Variants in DDX60L observed in about 807,000 individuals in gnomAD.
DDX60L encodes probable ATP-dependent RNA helicase DDX60-like.
In DDX60L, 191 loss-of-function variants were observed where a neutral mutation model predicts 211.6. That is an observed-to-expected ratio of 0.90 (90% CI 0.80 to 1.02). The LOEUF (loss-of-function observed/expected upper bound fraction) is 1.02. Ranked by LOEUF, DDX60L falls within the 50% of genes least tolerant of loss-of-function variation. The pLI, the probability that DDX60L is intolerant of heterozygous loss-of-function variation, is 0.00. For missense variants in DDX60L, 2,007 were observed against 1,984.1 expected (o/e 1.01, Z -0.22); for synonymous variants, 706 against 694.1 (o/e 1.02, Z -0.27).
chr4:168,454,158 T>C (rs1756199156), intron 7 of DDX60L, among the ~76,000 whole-genome samples: 2 of 152,228 alleles, frequency 1.3e-5, no homozygotes, highest in Non-Finnish European at 1.5e-5. Context: ...TTTTTAAGCA[T>C]GCTCTTAAAA....
intron 29 of DDX60L, chr4:168,390,158 G>C: frequency 1.0e-6 from 1 of 992,244 alleles, no homozygotes; most frequent in Non-Finnish European, 1.2e-6. Flanking sequence ...ATCAGGGCAG[G>C]ATAACAAAGT....
chr4:168,442,960 A>C (rs1469855524), intron 9 of DDX60L, among the ~76,000 whole-genome samples: 3 of 152,176 alleles, frequency 2.0e-5, no homozygotes, highest in African/African-American at 4.8e-5. Flanking sequence ...AACTATAAAA[A>C]GCAGAGCGCC....
At chr4:168,409,178 AG>A (rs897091762) in intron 22 of DDX60L, among the ~76,000 whole-genome samples, 13 of 152,236 alleles carry the variant, frequency 8.5e-5, no homozygotes, top group African/African-American at 3.1e-4. Flanking sequence ...ACTTTACAAA[AG>A]TAAAGTATCA....
rs1738476765 is a variant in DDX60L, at chr4:168,358,310, GA to G, written c.4992-35del. 5.7e-6 allele frequency: 8 copies of G among 1,397,752 alleles called. No homozygotes were observed. The East Asian group carries it at 2.2e-4, about 39-fold the overall frequency. The allele number at this position is 1,397,752 out of a possible 1,614,324, so 86.6% of individuals were successfully genotyped here. A position where few individuals can be genotyped will look rare whatever the true frequency, so the allele number is the denominator to read the frequency against. On this transcript the variant is annotated intron_variant, in intron 37 of 37. Coordinates refer to ENST00000682922, the MANE Select transcript of DDX60L (RefSeq NM_001012967.3). ...ATGATAATAATAATAAAAAAATAAT[GA>G]GCCCACATTTTTATAACAATCAATA...
Position 168,400,818 on chromosome 4 carries a change from ATACT to A in DDX60L, c.3491+4_3491+7del, listed in dbSNP as rs1280759179. 2 of 1,603,476 alleles carry A rather than the reference ATACT, an allele frequency of 1.2e-6. No homozygotes were observed. On this transcript the variant is annotated splice_donor_5th_base_variant and intron_variant, in intron 26 of 37. Transcript: ENST00000682922. The stretch of plus-strand genomic sequence containing the variant: ...GGCCAATTTGTTTAAGTAAACATTA[ATACT>A]TACATCCTTTTCTGTGTCTTCCTCA...
At chr4:168,406,127 G>C in intron 23 of DDX60L, 49 bp from the exon 24 acceptor site, 1 of 1,545,532 alleles carries the variant, frequency 6.5e-7, no homozygotes, top group South Asian at 1.2e-5. Flanking sequence ...GCAATCTATA[G>C]TAAGAAAAAT....
At chr4:168,371,858 G>T in intron 35 of DDX60L, 95 bp from the exon 36 acceptor site, 2 of 1,236,632 alleles carry the variant, frequency 1.6e-6, no homozygotes, top group Non-Finnish European at 2.2e-6. Flanking sequence ...GTTTCTTAAA[G>T]TACGTTCTGA....
chr4:168,467,501 C>T (rs1412648098), intron 4 of DDX60L, among the ~76,000 whole-genome samples: 1 of 144,190 alleles, frequency 6.9e-6, no homozygotes, highest in Non-Finnish European at 1.5e-5. Flanking sequence ...CACTACAAAT[C>T]TTTAGGCAAT....
chr4:168,364,581 G>A (rs2684358), intron 36 of DDX60L, among the ~76,000 whole-genome samples: 86,013 of 151,936 alleles, frequency 0.57, 25,313 homozygotes, highest in East Asian at 0.75. Flanking sequence ...GGGTCTTGCT[G>A]TGATGCCTAG....
intron 15 of DDX60L, among the ~76,000 whole-genome samples, chr4:168,422,999 G>GTA (rs551448406): frequency 1.5e-5 from 2 of 137,508 alleles, no homozygotes; most frequent in African/African-American, 2.8e-5. Flanking sequence ...GTGTGTGTGT[G>GTA]TTGTAGAGAC....
chr4:168,459,010 ACTTAGAG>A (rs1756950814), intron 5 of DDX60L, among the ~76,000 whole-genome samples: 6 of 152,170 alleles, frequency 3.9e-5, no homozygotes, highest in Non-Finnish European at 8.8e-5. Context: ...AAATATAGAA[ACTTAGAG>A]AAGGTAGTAT....
chr4:168,471,979 C>A (rs1454040657), intron 3 of DDX60L, 43 bp from the exon 4 acceptor site: 1 of 1,467,468 alleles, frequency 6.8e-7, no homozygotes, highest in African/African-American at 1.4e-5. Context: ...AGATGTTTCA[C>A]AGAGACTTTG....
At chr4:168,392,824 G>A (rs1033721155) in intron 28 of DDX60L, among the ~76,000 whole-genome samples, 2 of 139,946 alleles carry the variant, frequency 1.4e-5, no homozygotes, top group Non-Finnish European at 3.0e-5. Context: ...TGGGCAACAA[G>A]AGTGAAACTC....
In DDX60L at chr4:168,358,197, C is replaced by T. The variant is rs201245054; in HGVS notation, c.5071G>A (p.Glu1691Lys). Residue 1691 changes from glutamate (E) to lysine (K), a missense_variant, in exon 38 of 38, where the codon GAG becomes AAG. By Grantham distance (56) the Glu-to-Lys change is moderately conservative. Coordinates refer to ENST00000682922, the MANE Select transcript of DDX60L (RefSeq NM_001012967.3). Reference protein sequence around the residue: ...AFKQLSQTFYEKLQEMQIQMS... With the variant: ...AFKQLSQTFYKKLQEMQIQMS... ...TGAATTTGCATTTCTTGAAGTTTCT[C>T]ATAAAAGGTTTGACTCAATTGTTTA... is the stretch of plus-strand genomic sequence containing the variant. 1.8e-5 allele frequency: 29 copies of T among 1,606,178 alleles called. No homozygotes were observed. The East Asian group carries it at 6.5e-4, about 36-fold the overall frequency.
chr4:168,403,749 A>G (rs546945045), intron 25 of DDX60L, among the ~76,000 whole-genome samples: 2 of 152,284 alleles, frequency 1.3e-5, no homozygotes, highest in Non-Finnish European at 2.9e-5. Flanking sequence ...CTTTTTAAAA[A>G]TCAAAAGTCA....
intron 1 of DDX60L, among the ~76,000 whole-genome samples, chr4:168,473,926 T>C (rs1163850445): frequency 6.6e-6 from 1 of 152,156 alleles, no homozygotes; most frequent in Non-Finnish European, 1.5e-5. Context: ...AAAGTATTTA[T>C]AGCCAAAGTA....
rs1053084910 is a variant in DDX60L at position 168,431,543 on chromosome 4, G to A, written c.1517-905C>T. 4.3e-5 allele frequency among the ~76,000 whole-genome samples: 6 copies of A among 140,556 alleles called. No individual in the cohort carries two copies. The East Asian group carries it at 1.3e-3, about 31-fold the overall frequency. 92.2% of individuals were successfully genotyped at this position (140,556 alleles called of 152,430 possible). A position where few individuals can be genotyped will look rare whatever the true frequency, so the allele number is the denominator to read the frequency against. ...CAGGAAGGGGAACATCACACTCTGG[G>A]GACTGTTGTGCGGTGGGGGGTGGGG... is the stretch of plus-strand genomic sequence containing the variant. On this transcript the variant is annotated intron_variant, in intron 12 of 37. Coordinates refer to ENST00000682922, the MANE Select transcript of DDX60L (RefSeq NM_001012967.3).
rs199842338 is a variant in DDX60L, at chr4:168,457,444, G to GAA, written c.723+446_723+447dup. Among the ~76,000 whole-genome samples, 224 of 128,044 alleles carry GAA rather than the reference G, an allele frequency of 1.7e-3. 2 individuals are homozygous for GAA. Among genetic ancestry groups the GAA allele is most frequent in the South Asian group, 0.015 (63 of 4,142 alleles). The allele number at this position is 128,044 out of a possible 152,430, so 84.0% of individuals were successfully genotyped here. Reference sequence around the variant, plus strand: ...ACCACCTTTTACCGCTTGAGCATCAGAAAAAAAAAAAAAGAAAGAGGTGCT... The same window carrying GAA: ...ACCACCTTTTACCGCTTGAGCATCAGAAAAAAAAAAAAAAAGAAAGAGGTGCT... On this transcript the variant is annotated intron_variant, in intron 6 of 37. Coordinates refer to ENST00000682922, the MANE Select transcript of DDX60L (RefSeq NM_001012967.3).
chr4:168,419,344 G>A lies in DDX60L; in HGVS notation c.2568C>T (p.Arg856=). Residue 856 remains arginine, a synonymous_variant, in exon 19 of 38, where the codon CGC becomes CGT. Coordinates refer to ENST00000682922, the MANE Select transcript of DDX60L (RefSeq NM_001012967.3). The stretch of plus-strand genomic sequence containing the variant: ...ATCTGATCCTTTCCACCCATTTTTG[G>A]CGATGAGGAGCAAGCAACAGGATTT... ...CFEILLLAPH[R]QKWVERIRYV... The A allele has an allele frequency of 6.3e-7, 1 of 1,598,750 alleles. No homozygotes were observed. Among genetic ancestry groups the A allele is most frequent in the Non-Finnish European group, 8.5e-7 (1 of 1,171,626 alleles).
Sources: gnomAD v4.1 joint callset for allele counts (sites outside exome capture counted in the v4.1 genomes callset) on GRCh38, gnomAD v4.1.1 for gene constraint, MANE v1.5 for transcripts, NCBI Gene and HGNC (gene_info 2026-07-23, HGNC 2026-07-21) for gene names.